RERE: variants seen among roughly 807,000 people sequenced by gnomAD.
The protein encoded by RERE is arginine-glutamic acid dipeptide repeats, also known as arginine-glutamic acid dipeptide repeats protein.
RERE carries 40 observed loss-of-function variants against 146.1 expected under a neutral mutation model. The observed-to-expected ratio is 0.27, with a 90% CI of 0.21 to 0.36. RERE has a LOEUF of 0.36. Ranked by LOEUF, RERE falls within the 10% of genes least tolerant of loss-of-function variation. The pLI, the probability that RERE is intolerant of heterozygous loss-of-function variation, is 1.00. For missense variants in RERE, 1,933 were observed against 2,138.7 expected (o/e 0.90, Z 1.90); for synonymous variants, 1,003 against 866.0 (o/e 1.16, Z -2.78).
intron 1 of RERE, among the ~76,000 whole-genome samples, chr1:8,730,325 GT>G (rs1177162372): frequency 6.6e-6 from 1 of 152,030 alleles, no homozygotes; most frequent in Non-Finnish European, 1.5e-5. Flanking sequence ...TCCCCCATTT[GT>G]TTTTGGGGTT....
intron 1 of RERE, among the ~76,000 whole-genome samples, chr1:8,710,761 T>C (rs1639650441): frequency 6.6e-6 from 1 of 152,118 alleles, no homozygotes; most frequent in South Asian, 2.1e-4. Context: ...TTGATCCGCC[T>C]GCCTCAGCCT....
rs925824159 is a variant in RERE, at chr1:8,499,292, T to C, written c.880-1763A>G. On this transcript the variant is annotated intron_variant, in intron 8 of 22. Coordinates refer to ENST00000400908, the MANE Select transcript of RERE (RefSeq NM_001042681.2). ...TCCAACAGAAATAAAATAAGAATTA[T>C]ATATTTAATTTTAAATATTCTAGTA... Among the ~76,000 whole-genome samples the C allele has an allele frequency of 4.6e-5, 7 of 152,254 alleles. 1 individual carries two copies. Among genetic ancestry groups the C allele is most frequent in the Admixed American group, 3.9e-4 (6 of 15,288 alleles).
intron 1 of RERE, among the ~76,000 whole-genome samples, chr1:8,788,873 G>A (rs1641308237): frequency 6.6e-6 from 1 of 151,500 alleles, no homozygotes; most frequent in African/African-American, 2.4e-5. Context: ...TTACAGTGAG[G>A]CATAAGAGAT....
intron 2 of RERE, among the ~76,000 whole-genome samples, chr1:8,648,811 T>C (rs1647450210): frequency 6.6e-6 from 1 of 152,034 alleles, no homozygotes. Flanking sequence ...ACTATGTTCA[T>C]GAAAGTAGAA....
chr1:8,657,465 A>T (rs1250921443), intron 1 of RERE, among the ~76,000 whole-genome samples: 3 of 152,236 alleles, frequency 2.0e-5, no homozygotes, highest in African/African-American at 7.2e-5. Flanking sequence ...AGAGCTTCAG[A>T]GCAAGATTTT....
At chr1:8,369,606 G>A (rs1448455932) in intron 12 of RERE, among the ~76,000 whole-genome samples, 3 of 151,332 alleles carry the variant, frequency 2.0e-5, no homozygotes, top group Non-Finnish European at 4.4e-5. Flanking sequence ...TGGTAAGAAC[G>A]GTAAACTTAC....
chr1:8,583,312 CA>C (rs1437084330), intron 4 of RERE, among the ~76,000 whole-genome samples: 2 of 152,142 alleles, frequency 1.3e-5, no homozygotes, highest in African/African-American at 4.8e-5. Context: ...CTACAAACCG[CA>C]AAATATAAGC....
chr1:8,563,801 T>C (rs1250317455), intron 4 of RERE, among the ~76,000 whole-genome samples: 1 of 152,224 alleles, frequency 6.6e-6, no homozygotes, highest in Non-Finnish European at 1.5e-5. Flanking sequence ...ATGTGTATAC[T>C]GTATGGCTTA....
intron 1 of RERE, among the ~76,000 whole-genome samples, chr1:8,752,741 G>A (rs1442932082): frequency 1.3e-5 from 2 of 152,118 alleles, no homozygotes; most frequent in Admixed American, 1.3e-4. Context: ...GAAATTAAAG[G>A]AAACTTACCA....
intron 1 of RERE, among the ~76,000 whole-genome samples, chr1:8,755,664 T>G (rs1056276272): frequency 1.3e-5 from 2 of 152,142 alleles, no homozygotes; most frequent in African/African-American, 4.8e-5. Context: ...GCAGACAATT[T>G]AACTGACAAG....
intron 6 of RERE, among the ~76,000 whole-genome samples, chr1:8,541,891 G>A (rs1024453725): frequency 1.2e-4 from 18 of 152,272 alleles, no homozygotes; most frequent in Middle Eastern, 6.8e-3. Context: ...TATACAAGGA[G>A]TTTTCAAATT....
intron 12 of RERE, among the ~76,000 whole-genome samples, chr1:8,382,681 C>T (rs1368263736): frequency 6.6e-6 from 1 of 152,198 alleles, no homozygotes; most frequent in Admixed American, 6.5e-5. Context: ...TCTCAGAACT[C>T]CGAGTGAGAA....
At chr1:8,595,404 T>C (rs1570483506) in intron 4 of RERE, among the ~76,000 whole-genome samples, 1 of 151,988 alleles carries the variant, frequency 6.6e-6, no homozygotes, top group East Asian at 1.9e-4. Context: ...TGTTACAACA[T>C]TAAAAAAAGT....
chr1:8,620,753 G>T (rs562325106), intron 3 of RERE, among the ~76,000 whole-genome samples: 1 of 151,548 alleles, frequency 6.6e-6, no homozygotes, highest in African/African-American at 2.4e-5. Flanking sequence ...TTCTAAGTAC[G>T]TGCTGTCCCT....
chr1:8,651,306 A>G (rs1353187651), intron 2 of RERE, among the ~76,000 whole-genome samples: 1 of 152,090 alleles, frequency 6.6e-6, no homozygotes, highest in Admixed American at 6.6e-5. Context: ...GCTACTCAAG[A>G]GGCTGAGGCA....
At chr1:8,590,094 C>T (rs1455687000) in intron 4 of RERE, among the ~76,000 whole-genome samples, 1 of 152,156 alleles carries the variant, frequency 6.6e-6, no homozygotes, top group Non-Finnish European at 1.5e-5. Flanking sequence ...ACTCCTACCA[C>T]CATTGCTTTT....
intron 12 of RERE, among the ~76,000 whole-genome samples, chr1:8,401,008 ACT>A (rs1643232986): frequency 1.0e-5 from 1 of 98,092 alleles, no homozygotes; most frequent in Non-Finnish European, 2.1e-5. Flanking sequence ...ACACAGTGAG[ACT>A]CTGTCTCAAA....
intron 7 of RERE, among the ~76,000 whole-genome samples, chr1:8,510,467 A>C (rs901772974): frequency 1.3e-5 from 2 of 152,306 alleles, no homozygotes; most frequent in Middle Eastern, 3.4e-3. Flanking sequence ...GGAGAATGGT[A>C]TGTGGAAAAA....
At chr1:8,551,413 C>T (rs1188790758) in intron 6 of RERE, among the ~76,000 whole-genome samples, 3 of 152,088 alleles carry the variant, frequency 2.0e-5, no homozygotes, top group Non-Finnish European at 4.4e-5. Flanking sequence ...TTTATCTGCT[C>T]GTTCTTGGAG....
Sources: allele counts gnomAD v4.1 joint callset (sites outside exome capture counted in the v4.1 genomes callset), GRCh38; gene constraint gnomAD v4.1.1; transcripts MANE v1.5; gene names NCBI Gene and HGNC (gene_info 2026-07-23, HGNC 2026-07-21).